Variants in KCNG3 observed in about 807,000 individuals in gnomAD.
KCNG3 encodes the protein voltage-gated potassium channel regulatory subunit KCNG3.
A neutral mutation model predicts 29.0 loss-of-function variants in KCNG3; 15 were observed. The ratio of observed to expected loss-of-function variants is 0.52; its 90% CI spans 0.35 to 0.80. The LOEUF is 0.80. Ranked by LOEUF, KCNG3 falls within the 30% of genes least tolerant of loss-of-function variation. KCNG3 has a pLI of 0.01. For synonymous variants in KCNG3, 322 were observed against 248.9 expected, an observed-to-expected ratio of 1.29 and a Z score of -2.76; for missense variants, 512 against 605.7, an observed-to-expected ratio of 0.85 and a Z score of 1.62.
the KCNG3 span, among the ~76,000 whole-genome samples, chr2:42,422,330 T>C: frequency 6.6e-6 from 1 of 152,096 alleles, no homozygotes; most frequent in Non-Finnish European, 1.5e-5. Context: ...TCCCTCTCTC[T>C]CTCTTGCCCA....
the KCNG3 span, among the ~76,000 whole-genome samples, chr2:42,434,077 C>T: frequency 1.3e-5 from 2 of 152,138 alleles, no homozygotes; most frequent in African/African-American, 4.8e-5. Flanking sequence ...AATTTATCTA[C>T]AGATTCAATG....
chr2:42,467,437 G>A (rs1487875862), intron 1 of KCNG3, among the ~76,000 whole-genome samples: 1 of 152,162 alleles, frequency 6.6e-6, no homozygotes, highest in East Asian at 1.9e-4. Flanking sequence ...GGAGGCCAAG[G>A]CGGGTGGATC....
At chr2:42,402,791 A>G in the KCNG3 span, among the ~76,000 whole-genome samples, 1 of 152,174 alleles carries the variant, frequency 6.6e-6, no homozygotes, top group South Asian at 2.1e-4. Context: ...TCTACCATTT[A>G]AATTACTCTA....
chr2:42,419,688 C>A, the KCNG3 span, among the ~76,000 whole-genome samples: 1 of 152,192 alleles, frequency 6.6e-6, no homozygotes, highest in African/African-American at 2.4e-5. Flanking sequence ...AACTTTCAGC[C>A]TTCTGATTAA....
chr2:42,405,234 C>T, the KCNG3 span, among the ~76,000 whole-genome samples: 1 of 152,200 alleles, frequency 6.6e-6, no homozygotes. Flanking sequence ...CAGTTATGTG[C>T]ACTCTCTTGA....
chr2:42,492,728 C>A, intron 1 of KCNG3, 109 bp downstream of exon 1: 1 of 1,109,594 alleles, frequency 9.0e-7, no homozygotes, highest in Admixed American at 4.0e-5. Context: ...GGGCGCGCAC[C>A]CCGCTGGCTC....
intron 1 of KCNG3, among the ~76,000 whole-genome samples, chr2:42,488,076 C>A (rs1227343735): frequency 6.6e-6 from 1 of 152,072 alleles, no homozygotes; most frequent in Non-Finnish European, 1.5e-5. Flanking sequence ...AAACTAGTAA[C>A]TTTGGTTACA....
chr2:42,419,219 C>CTTTTTAT, the KCNG3 span, among the ~76,000 whole-genome samples: 1 of 27,712 alleles, frequency 3.6e-5, no homozygotes, highest in African/African-American at 1.2e-4. Flanking sequence ...GATGGTATCT[C>CTTTTTAT]TTTTTTTTTT....
the KCNG3 span, among the ~76,000 whole-genome samples, chr2:42,407,692 T>C: frequency 6.6e-6 from 1 of 151,794 alleles, no homozygotes; most frequent in Non-Finnish European, 1.5e-5. Context: ...CCTGTGCTCT[T>C]GCAGGTGCCA....
intron 1 of KCNG3, among the ~76,000 whole-genome samples, chr2:42,450,727 T>C (rs1266329410): frequency 6.6e-6 from 1 of 152,198 alleles, no homozygotes; most frequent in East Asian, 1.9e-4. Context: ...CTATGAAATA[T>C]GTATTTCCCC....
the KCNG3 span, among the ~76,000 whole-genome samples, chr2:42,399,056 C>CTTTTTTTTTTTTTTTTTTTTTTTTTTT: frequency 9.3e-6 from 1 of 107,632 alleles, no homozygotes; most frequent in Non-Finnish European, 1.8e-5. Flanking sequence ...TTTTTCTTTT[C>CTTTTTTTTTTTTTTTTTTTTTTTTTTT]TTTTTTTTTT....
At chr2:42,432,664 A>G in the KCNG3 span, among the ~76,000 whole-genome samples, 3 of 152,342 alleles carry the variant, frequency 2.0e-5, no homozygotes, top group Non-Finnish European at 2.9e-5. Flanking sequence ...GTGTGTCTCT[A>G]TATCTTTAGG....
At chr2:42,399,672 G>A in the KCNG3 span, among the ~76,000 whole-genome samples, 17 of 152,068 alleles carry the variant, frequency 1.1e-4, no homozygotes, top group African/African-American at 4.1e-4. Context: ...TGTGGAGACA[G>A]AAGAGAAATT....
At chr2:42,431,673 G>A in the KCNG3 span, among the ~76,000 whole-genome samples, 3 of 152,310 alleles carry the variant, frequency 2.0e-5, no homozygotes, top group South Asian at 6.2e-4. Context: ...TTCCTCCACT[G>A]ATCTTAGTAA....
At chr2:42,483,300 A>G (rs1673637548) in intron 1 of KCNG3, among the ~76,000 whole-genome samples, 1 of 152,224 alleles carries the variant, frequency 6.6e-6, no homozygotes, top group Admixed American at 6.5e-5. Context: ...TTAGACGGAA[A>G]TTTAGCAGTA....
chr2:42,430,059 A>G, the KCNG3 span, among the ~76,000 whole-genome samples: 6 of 152,092 alleles, frequency 3.9e-5, no homozygotes, highest in African/African-American at 1.4e-4. Flanking sequence ...TCTCTAAGCA[A>G]ATTTTATTAA....
At chr2:42,432,698 A>C in the KCNG3 span, among the ~76,000 whole-genome samples, 35 of 152,322 alleles carry the variant, frequency 2.3e-4, no homozygotes, top group South Asian at 7.0e-3. Flanking sequence ...ACTCAAATTA[A>C]CTTGGGTTAA....
Position 42,476,786 on chromosome 2 carries a change from G to A in KCNG3, c.665+16051C>T, listed in dbSNP as rs562144789. Among the ~76,000 whole-genome samples, 9 of 151,160 alleles carry A rather than the reference G, an allele frequency of 6.0e-5. No individual in the cohort carries two copies. The East Asian group carries it at 6.0e-4, about 10-fold the overall frequency. ...ATTACAGGTGTGAGCCACCATGCCC[G>A]GACAAAATAAAACATTTGTAAAAAG... On this transcript the variant is annotated intron_variant, in intron 1 of 1. Coordinates refer to ENST00000306078, the MANE Select transcript of KCNG3 (RefSeq NM_133329.6).
At chr2:42,453,830 T>C (rs1672819352) in intron 1 of KCNG3, among the ~76,000 whole-genome samples, 1 of 152,204 alleles carries the variant, frequency 6.6e-6, no homozygotes, top group Non-Finnish European at 1.5e-5. Context: ...TGTAGTAGTT[T>C]CATAGTTTGA....
Sources: gnomAD v4.1 joint callset for allele counts (sites outside exome capture counted in the v4.1 genomes callset) on GRCh38, gnomAD v4.1.1 for gene constraint, MANE v1.5 for transcripts, NCBI Gene and HGNC (gene_info 2026-07-23, HGNC 2026-07-21) for gene names.